The following PTPN13 variants were observed in gnomAD, a reference collection of about 807,000 sequenced individuals.
PTPN13 encodes the protein protein tyrosine phosphatase non-receptor type 13.
In PTPN13, 191 loss-of-function variants were observed where a neutral mutation model predicts 284.0. The observed-to-expected ratio is 0.67, with a 90% CI of 0.60 to 0.76. PTPN13 has a LOEUF of 0.76. PTPN13 is among the 30% of genes least tolerant of loss of function. PTPN13 has a pLI of 0.00. For synonymous variants in PTPN13, 986 were observed against 1,022.3 expected, an observed-to-expected ratio of 0.96 and a Z score of 0.68; for missense variants, 2,797 against 2,939.9, an observed-to-expected ratio of 0.95 and a Z score of 1.12.
intron 1 of PTPN13, among the ~76,000 whole-genome samples, chr4:86,600,414 T>C (rs894786665): frequency 6.6e-6 from 1 of 150,608 alleles, no homozygotes; most frequent in Non-Finnish European, 1.5e-5. Flanking sequence ...GATGGTATTT[T>C]TTTTTTTTAC....
At chr4:86,791,586 G>A (rs1742675014) in intron 40 of PTPN13, among the ~76,000 whole-genome samples, 1 of 152,214 alleles carries the variant, frequency 6.6e-6, no homozygotes, top group Non-Finnish European at 1.5e-5. Context: ...CTGACTGGGA[G>A]ACATCTCCCA....
intron 1 of PTPN13, among the ~76,000 whole-genome samples, chr4:86,596,982 C>CT (rs1763871220): frequency 6.6e-6 from 1 of 152,144 alleles, no homozygotes; most frequent in Admixed American, 6.5e-5. Flanking sequence ...TTGGAATATG[C>CT]TTTGGGAGAA....
chr4:86,671,267 T>G (rs977324663), intron 2 of PTPN13, among the ~76,000 whole-genome samples: 4 of 152,204 alleles, frequency 2.6e-5, no homozygotes, highest in African/African-American at 9.6e-5. Flanking sequence ...CTGGTTGTTT[T>G]CAGGAAAGTA....
intron 40 of PTPN13, among the ~76,000 whole-genome samples, chr4:86,791,646 G>A (rs927909647): frequency 6.6e-6 from 1 of 152,204 alleles, no homozygotes; most frequent in Non-Finnish European, 1.5e-5. Flanking sequence ...CTGGGATGAA[G>A]CTTCCAGAGG....
intron 7 of PTPN13, among the ~76,000 whole-genome samples, chr4:86,714,068 C>T (rs80227212): frequency 9.2e-6 from 1 of 108,888 alleles, no homozygotes; most frequent in African/African-American, 3.2e-5. Context: ...TCTTCAGTGT[C>T]AAAAAAAAAA....
intron 17 of PTPN13, among the ~76,000 whole-genome samples, chr4:86,745,649 A>G (rs1736661961): frequency 1.3e-5 from 2 of 151,976 alleles, no homozygotes; most frequent in Admixed American, 6.6e-5. Flanking sequence ...GTTGCCGGGC[A>G]CCTGTAATCC....
chr4:86,745,153 A>G (rs1736595618), intron 17 of PTPN13, 25 bp downstream of exon 17: 1 of 1,589,082 alleles, frequency 6.3e-7, no homozygotes, highest in African/African-American at 1.4e-5. Flanking sequence ...ACTATTTCAG[A>G]TGACTCCTGG....
At chr4:86,707,161 G>A (rs575196457) in intron 7 of PTPN13, among the ~76,000 whole-genome samples, 1 of 152,220 alleles carries the variant, frequency 6.6e-6, no homozygotes, top group Admixed American at 6.5e-5. Flanking sequence ...CCACACCCTG[G>A]GTGGGGATCA....
At chr4:86,698,679 T>A (rs1730819235) in intron 6 of PTPN13, among the ~76,000 whole-genome samples, 1 of 152,142 alleles carries the variant, frequency 6.6e-6, no homozygotes, top group Non-Finnish European at 1.5e-5. Context: ...TAACCAGCTT[T>A]TACTGAGAAG....
intron 9 of PTPN13, among the ~76,000 whole-genome samples, chr4:86,719,138 C>T (rs1402517360): frequency 1.3e-5 from 2 of 152,180 alleles, no homozygotes; most frequent in Non-Finnish European, 2.9e-5. Context: ...CCACTCTCCC[C>T]ACTCAAGTAG....
intron 5 of PTPN13, chr4:86,689,800 C>T (rs2148961363): frequency 1.4e-6 from 1 of 700,274 alleles, no homozygotes; most frequent in Non-Finnish European, 2.6e-6. Flanking sequence ...CCTGAAAGTC[C>T]CACCTCTGTT....
chr4:86,778,828 A>C (rs1740945962), intron 35 of PTPN13, among the ~76,000 whole-genome samples: 1 of 151,980 alleles, frequency 6.6e-6, no homozygotes, highest in Admixed American at 6.6e-5. Flanking sequence ...AAGCTACCTC[A>C]GGTGTTTTTT....
chr4:86,654,257 C>T (rs1044282369), intron 2 of PTPN13, among the ~76,000 whole-genome samples: 1 of 151,974 alleles, frequency 6.6e-6, no homozygotes, highest in Admixed American at 6.6e-5. Context: ...AAAAGATCAA[C>T]AAAATTGATA....
intron 20 of PTPN13, 55 bp from the exon 21 acceptor site, chr4:86,758,205 C>A: frequency 1.7e-6 from 2 of 1,204,362 alleles, no homozygotes; most frequent in Non-Finnish European, 2.4e-6. Flanking sequence ...AACAAGCTGA[C>A]AGTCTTAATG....
intron 2 of PTPN13, among the ~76,000 whole-genome samples, chr4:86,637,399 T>C (rs1285310342): frequency 6.6e-6 from 1 of 151,890 alleles, no homozygotes; most frequent in African/African-American, 2.4e-5. Context: ...TAGACCAATA[T>C]CCTTGATGAA....
rs1433884716 is a variant in PTPN13, at chr4:86,743,067, A to G, written c.2487+1251A>G. Among the ~76,000 whole-genome samples, 6 of 151,946 alleles carry G rather than the reference A, an allele frequency of 3.9e-5. No individual in the cohort carries two copies. The East Asian group carries it at 5.8e-4, about 15-fold the overall frequency. On this transcript the variant is annotated intron_variant, in intron 16 of 47. Coordinates refer to ENST00000411767, the MANE Select transcript of PTPN13 (RefSeq NM_080683.3). ...TTTTTTAACTCTCCTTTTTTCTTCT[A>G]CTAACCTCTGGGGAAGTGGAAAAGT...
intron 2 of PTPN13, among the ~76,000 whole-genome samples, chr4:86,659,311 T>A (rs1164247637): frequency 2.0e-5 from 3 of 152,118 alleles, no homozygotes; most frequent in Non-Finnish European, 2.9e-5. Context: ...GTCATCAAAA[T>A]CTAACACTCA....
chr4:86,765,470 G>A lies in PTPN13; in HGVS notation c.4225G>A (p.Asp1409Asn). Residue 1409 changes from aspartate (D) to asparagine (N), a missense_variant, in exon 26 of 48, where the codon GAT becomes AAT. By Grantham distance (23) the Asp-to-Asn change is conservative. Coordinates refer to ENST00000411767, the MANE Select transcript of PTPN13 (RefSeq NM_080683.3). ...TATTCCCCAGGGAGCAGCAGAGTCT[G>A]ATGGTAGAATTCACAAAGGTATAGT... ...AVIPQGAAES[D>N]GRIHKGDRVL... The A allele has an allele frequency of 2.5e-6, 4 of 1,589,394 alleles. No homozygotes were observed. Among genetic ancestry groups the A allele is most frequent in the Non-Finnish European group, 3.4e-6 (4 of 1,166,686 alleles).
chr4:86,683,642 A>C (rs1465411309), intron 3 of PTPN13, among the ~76,000 whole-genome samples: 3 of 152,222 alleles, frequency 2.0e-5, no homozygotes, highest in Non-Finnish European at 2.9e-5. Flanking sequence ...CTTTGGTCCA[A>C]TCAAGTTGAC....
Sources: gnomAD v4.1 joint callset for allele counts (sites outside exome capture counted in the v4.1 genomes callset) on GRCh38, gnomAD v4.1.1 for gene constraint, MANE v1.5 for transcripts, NCBI Gene and HGNC (gene_info 2026-07-23, HGNC 2026-07-21) for gene names.